Variants in DCAF5 observed in about 807,000 individuals in gnomAD.
DCAF5 encodes the protein DDB1 and CUL4 associated factor 5.
A neutral mutation model predicts 80.7 loss-of-function variants in DCAF5; 9 were observed. The observed-to-expected ratio is 0.11, with a 90% CI of 0.07 to 0.19. The LOEUF (loss-of-function observed/expected upper bound fraction) is 0.19. Among genes scored for constraint, DCAF5 ranks in the 10% least tolerant of loss-of-function variants. DCAF5 has a pLI of 1.00. For missense variants in DCAF5, 842 were observed against 1,205.7 expected, an observed-to-expected ratio of 0.70 and a Z score of 4.47; for synonymous variants, 433 against 461.9, an observed-to-expected ratio of 0.94 and a Z score of 0.80.
intron 8 of DCAF5, among the ~76,000 whole-genome samples, chr14:69,061,718 A>G (rs2038222369): frequency 6.6e-6 from 1 of 152,254 alleles, no homozygotes; most frequent in Admixed American, 6.5e-5. Context: ...AACTGAGGGC[A>G]TAGTGGCTCT....
chr14:69,136,957 T>G (rs1274896533), intron 1 of DCAF5, among the ~76,000 whole-genome samples: 1 of 152,230 alleles, frequency 6.6e-6, no homozygotes, highest in African/African-American at 2.4e-5. Flanking sequence ...ATGTTTAATG[T>G]ATGTATACTA....
rs1486048616 is a variant in DCAF5, at chr14:69,053,273, T to G, written c.*584A>C. On this transcript the variant is annotated 3_prime_UTR_variant, in exon 9 of 9. Transcript: ENST00000341516. ...GTTACTTAGAGAAAACATGGAAGAT[T>G]TCTTTAAGAAAGGAACCATGCTTTC... 6.6e-6 allele frequency: 1 copy of G among 152,250 alleles called. No homozygotes were observed. Among genetic ancestry groups the G allele is most frequent in the African/African-American group, 2.4e-5 (1 of 41,444 alleles). The allele number at this position is 152,250 out of a possible 1,614,324, so 9.4% of individuals were successfully genotyped here.
intron 7 of DCAF5, among the ~76,000 whole-genome samples, chr14:69,073,732 T>A (rs1157345091): frequency 6.6e-6 from 1 of 152,230 alleles, no homozygotes; most frequent in Non-Finnish European, 1.5e-5. Context: ...ATTCTCTCTA[T>A]TCAAACGTGA....
At chr14:69,148,652 G>A (rs1455099220) in intron 1 of DCAF5, among the ~76,000 whole-genome samples, 4 of 152,116 alleles carry the variant, frequency 2.6e-5, no homozygotes, top group Admixed American at 6.5e-5. Context: ...CCGAGATCCC[G>A]CCACTGCACT....
Position 69,106,899 on chromosome 14 carries a change from G to A in DCAF5, c.665+9467C>T, listed in dbSNP as rs142975149. Among the ~76,000 whole-genome samples the A allele has an allele frequency of 2.9e-3, 436 of 152,010 alleles. 2 individuals carry two copies. Among genetic ancestry groups the A allele is most frequent in the African/African-American group, 9.9e-3 (409 of 41,486 alleles). ...TACTAAAAATACAAAAAAATTAACC[G>A]GGCATGGTGGCACATGCCTGCAGTC... On this transcript the variant is annotated intron_variant, in intron 5 of 8. Transcript: ENST00000341516.
intron 5 of DCAF5, among the ~76,000 whole-genome samples, chr14:69,100,943 T>C (rs1157867435): frequency 6.6e-6 from 1 of 152,182 alleles, no homozygotes; most frequent in Non-Finnish European, 1.5e-5. Flanking sequence ...TATATCAACA[T>C]AGATACCCCT....
chr14:69,105,363 A>G (rs2040100587), intron 5 of DCAF5, among the ~76,000 whole-genome samples: 1 of 152,230 alleles, frequency 6.6e-6, no homozygotes, highest in African/African-American at 2.4e-5. Flanking sequence ...ATGAATCTCA[A>G]AAACATGATG....
chr14:69,153,115 G>C lies in DCAF5; in HGVS notation c.-137C>G, dbSNP rs1191766339. Reference sequence around the variant, plus strand: ...TAACCAGCCATGGCAGGCAGAGCGAGGTGTGCAGACACTCGGCGGCGTTCG... The same window carrying C: ...TAACCAGCCATGGCAGGCAGAGCGACGTGTGCAGACACTCGGCGGCGTTCG... On this transcript the variant is annotated 5_prime_UTR_variant, in exon 1 of 9. Transcript: ENST00000341516. 3.1e-6 allele frequency: 2 copies of C among 650,944 alleles called. No homozygotes were observed. The highest frequency in any genetic ancestry group is 3.5e-5 in the East Asian group (1 of 28,946). 40.3% of individuals were successfully genotyped at this position (650,944 alleles called of 1,614,324 possible). A position where few individuals can be genotyped will look rare whatever the true frequency, so the allele number is the denominator to read the frequency against.
At chr14:69,062,252 A>T (rs2038242680) in intron 8 of DCAF5, 132 bp downstream of exon 8, 1 of 979,726 alleles carries the variant, frequency 1.0e-6, no homozygotes, top group Non-Finnish European at 1.5e-6. Flanking sequence ...ATTTTGTAAT[A>T]TGTTAAAATC....
At position 69,118,409 on chromosome 14, in the gene DCAF5, A is replaced by T; in HGVS notation, c.396-131T>A. 1.1e-6 allele frequency: 1 copy of T among 878,576 alleles called. No homozygotes were observed. The allele number at this position is 878,576 out of a possible 1,614,324, so 54.4% of individuals were successfully genotyped here. ...AAGTCAACCTAGCTAAACCCAAAAAATATTATATTTCCTGAAAGGTAGGTA... is the reference window on the plus strand; with the variant it reads ...AAGTCAACCTAGCTAAACCCAAAAATTATTATATTTCCTGAAAGGTAGGTA... On this transcript the variant is annotated intron_variant, in intron 3 of 8. Transcript: ENST00000341516. This position sits in a 1 kb window ranked among gnomAD's most constrained non-coding sequence, Gnocchi z 4.0.
chr14:69,088,490 G>T (rs1398985926), intron 6 of DCAF5, among the ~76,000 whole-genome samples: 1 of 152,132 alleles, frequency 6.6e-6, no homozygotes, highest in Non-Finnish European at 1.5e-5. Context: ...ATTTTATTTT[G>T]AGGCTAATGA....
chr14:69,125,155 T>C (rs907880522), intron 1 of DCAF5, among the ~76,000 whole-genome samples: 25 of 152,212 alleles, frequency 1.6e-4, no homozygotes, highest in African/African-American at 5.3e-4. Flanking sequence ...TTAACCACTA[T>C]TCTATACTGC....
chr14:69,112,662 CTTGA>C (rs909736878), intron 5 of DCAF5, among the ~76,000 whole-genome samples: 2 of 151,172 alleles, frequency 1.3e-5, no homozygotes, highest in African/African-American at 4.9e-5. Context: ...CTCTCTGTGC[CTTGA>C]TTTTCTTAAA....
Position 69,105,034 on chromosome 14 carries a change from T to C in DCAF5, c.665+11332A>G, listed in dbSNP as rs556879052. Among the ~76,000 whole-genome samples, 214 of 152,110 alleles carry C rather than the reference T, an allele frequency of 1.4e-3. 5 individuals are homozygous for C. The South Asian group carries it at 0.028, about 20-fold the overall frequency. ...CTTTTTAGGTGGAATAATATTGTGGTTATGTTTTTTTTTTAATTATCTTTT... is the reference window on the plus strand; with the variant it reads ...CTTTTTAGGTGGAATAATATTGTGGCTATGTTTTTTTTTTAATTATCTTTT... On this transcript the variant is annotated intron_variant, in intron 5 of 8. Transcript: ENST00000341516.
chr14:69,080,043 G>A (rs1339149432), intron 6 of DCAF5, among the ~76,000 whole-genome samples: 2 of 152,178 alleles, frequency 1.3e-5, no homozygotes, highest in Non-Finnish European at 2.9e-5. Flanking sequence ...ATATCTGGGA[G>A]AAGAGTATTC....
chr14:69,110,448 T>TC (rs1461270225), intron 5 of DCAF5, among the ~76,000 whole-genome samples: 1 of 151,886 alleles, frequency 6.6e-6, no homozygotes, highest in African/African-American at 2.4e-5. Context: ...CTATTTTTTT[T>TC]TAGTAGAGAC....
intron 7 of DCAF5, among the ~76,000 whole-genome samples, chr14:69,071,318 C>A (rs2038683458): frequency 6.6e-6 from 1 of 151,980 alleles, no homozygotes; most frequent in Non-Finnish European, 1.5e-5. Context: ...GCAAAAAAAA[C>A]AAAGACTGAT....
intron 6 of DCAF5, among the ~76,000 whole-genome samples, chr14:69,080,782 G>A (rs1336908280): frequency 6.6e-6 from 1 of 152,050 alleles, no homozygotes; most frequent in African/African-American, 2.4e-5. Context: ...TATGATGTAT[G>A]ACTTCACAAC....
intron 6 of DCAF5, among the ~76,000 whole-genome samples, chr14:69,076,365 T>C (rs77958215): frequency 0.01 from 1,554 of 152,298 alleles, 16 homozygotes; most frequent in Middle Eastern, 0.02. Context: ...TTATTCACAA[T>C]AGCCAAAAGG....
Sources: allele counts gnomAD v4.1 joint callset (sites outside exome capture counted in the v4.1 genomes callset), GRCh38; gene constraint gnomAD v4.1.1; non-coding constraint Gnocchi (gnomAD v3.1); transcripts MANE v1.5; gene names NCBI Gene and HGNC (gene_info 2026-07-23, HGNC 2026-07-21).